The following BTRC variants were observed in gnomAD, a reference collection of about 807,000 sequenced individuals.
BTRC encodes F-box/WD repeat-containing protein 1A.
A neutral mutation model predicts 85.5 loss-of-function variants in BTRC; 42 were observed. That is an observed-to-expected ratio of 0.49 (90% CI 0.38 to 0.64). BTRC has a LOEUF of 0.64. Ranked by LOEUF, BTRC falls within the 30% of genes least tolerant of loss-of-function variation. BTRC has a pLI of 0.00. For synonymous variants in BTRC, 255 were observed against 263.3 expected, an observed-to-expected ratio of 0.97 and a Z score of 0.30; for missense variants, 594 against 743.5, an observed-to-expected ratio of 0.80 and a Z score of 2.34.
Position 101,534,893 on chromosome 10 carries a change from G to C in BTRC, c.1330G>C (p.Gly444Arg). The C allele has an allele frequency of 6.2e-7, 1 of 1,614,058 alleles. No individual in the cohort carries two copies. The highest frequency in any genetic ancestry group is 8.5e-7 in the Non-Finnish European group (1 of 1,179,974). The part of the protein sequence containing the change: ...FDDKYIVSAS[G>R]DRTIKVWNTS... ...TGACAAGTACATTGTTTCTGCATCT[G>C]GGGATAGAACTATAAAGGTAATAAG... Residue 444 changes from glycine (G) to arginine (R), a missense_variant, in exon 10 of 15, where the codon GGG (glycine) becomes CGG (arginine). By Grantham distance (125) the Gly-to-Arg change is moderately radical (BLOSUM62 -2). Coordinates refer to ENST00000370187, the MANE Select transcript of BTRC (RefSeq NM_033637.4).
At chr10:101,490,500 A>T (rs529467478) in intron 4 of BTRC, among the ~76,000 whole-genome samples, 24 of 152,278 alleles carry the variant, frequency 1.6e-4, no homozygotes, top group African/African-American at 5.8e-4. Flanking sequence ...TCTTTAAATG[A>T]TAGAGTCAAG....
chr10:101,424,161 G>T (rs1024929943), intron 1 of BTRC, among the ~76,000 whole-genome samples: 1 of 152,116 alleles, frequency 6.6e-6, no homozygotes, highest in Non-Finnish European at 1.5e-5. Context: ...TTGAACCTGG[G>T]AGGCGGAGGT....
chr10:101,483,270 A>G (rs949442224), intron 4 of BTRC, among the ~76,000 whole-genome samples: 5 of 152,276 alleles, frequency 3.3e-5, no homozygotes, highest in Middle Eastern at 3.4e-3. Flanking sequence ...GTTAGTCTTT[A>G]ACTTGAAGAA....
intron 5 of BTRC, 143 bp downstream of exon 5, chr10:101,522,013 G>GTTTT: frequency 1.2e-5 from 1 of 80,794 alleles, no homozygotes; most frequent in South Asian, 2.5e-4. Flanking sequence ...TTGATATAAA[G>GTTTT]CTTTTTTTTT....
At chr10:101,450,643 A>C (rs1485142731) in intron 2 of BTRC, among the ~76,000 whole-genome samples, 2 of 152,138 alleles carry the variant, frequency 1.3e-5, no homozygotes, top group Non-Finnish European at 2.9e-5. Context: ...AGTACAGCCG[A>C]GTTGTTCAGT....
At chr10:101,549,224 T>G (rs1427263103) in intron 13 of BTRC, among the ~76,000 whole-genome samples, 1 of 142,716 alleles carries the variant, frequency 7.0e-6, no homozygotes, top group Non-Finnish European at 1.5e-5. Context: ...TGCTTGGTCT[T>G]GAGTTCAAGA....
At chr10:101,510,626 C>G (rs1946679847) in intron 4 of BTRC, among the ~76,000 whole-genome samples, 1 of 152,102 alleles carries the variant, frequency 6.6e-6, no homozygotes, top group Admixed American at 6.5e-5. Context: ...CCCTCAAAAT[C>G]CTTGTAAGTT....
intron 2 of BTRC, among the ~76,000 whole-genome samples, chr10:101,440,902 TG>T (rs1265185565): frequency 6.6e-6 from 1 of 152,214 alleles, no homozygotes; most frequent in East Asian, 1.9e-4. Context: ...CCTGCTCCTT[TG>T]TAGCCAGATT....
chr10:101,364,252 A>G (rs1042256941), intron 1 of BTRC, among the ~76,000 whole-genome samples: 1 of 152,218 alleles, frequency 6.6e-6, no homozygotes, highest in Non-Finnish European at 1.5e-5. Context: ...CTAGAATCAT[A>G]ATGTAATACA....
chr10:101,478,781 CAA>C (rs71472573), intron 3 of BTRC, among the ~76,000 whole-genome samples: 88 of 119,830 alleles, frequency 7.3e-4, no homozygotes, highest in Admixed American at 1.0e-3. Flanking sequence ...GACCCTATCT[CAA>C]AAAAAAAAAA....
At chr10:101,544,545 A>G (rs182369475) in intron 13 of BTRC, among the ~76,000 whole-genome samples, 8 of 151,992 alleles carry the variant, frequency 5.3e-5, no homozygotes, top group Admixed American at 5.2e-4. Context: ...ATAGCTGACT[A>G]CAGGCTTGTG....
At chr10:101,536,280 T>C (rs371027551) in intron 11 of BTRC, among the ~76,000 whole-genome samples, 1 of 152,380 alleles carries the variant, frequency 6.6e-6, no homozygotes, top group East Asian at 1.9e-4. Context: ...TTCGTTTTTA[T>C]GCCTGGAAGA....
intron 1 of BTRC, among the ~76,000 whole-genome samples, chr10:101,422,567 G>A (rs1944132981): frequency 6.6e-6 from 1 of 152,164 alleles, no homozygotes; most frequent in Admixed American, 6.5e-5. Context: ...GAATGGTATT[G>A]CCTAGGTTTT....
At chr10:101,411,511 A>G (rs1943778199) in intron 1 of BTRC, among the ~76,000 whole-genome samples, 1 of 151,998 alleles carries the variant, frequency 6.6e-6, no homozygotes, top group Admixed American at 6.6e-5. Flanking sequence ...TTTTTCTCTT[A>G]GTGCTTTATT....
intron 4 of BTRC, among the ~76,000 whole-genome samples, chr10:101,503,450 TTATTTTGA>T (rs1946443694): frequency 6.6e-6 from 1 of 152,214 alleles, no homozygotes; most frequent in Non-Finnish European, 1.5e-5. Flanking sequence ...TCTGAGCAAG[TTATTTTGA>T]TCACCTGTGC....
intron 4 of BTRC, among the ~76,000 whole-genome samples, chr10:101,513,816 G>C (rs1436540542): frequency 6.6e-6 from 1 of 152,100 alleles, no homozygotes; most frequent in Non-Finnish European, 1.5e-5. Context: ...TGGGTTGTTT[G>C]GTAAGTATAT....
intron 4 of BTRC, among the ~76,000 whole-genome samples, chr10:101,493,442 GC>G (rs1393930971): frequency 1.3e-5 from 2 of 152,234 alleles, no homozygotes; most frequent in Non-Finnish European, 2.9e-5. Context: ...ACTGTATGTT[GC>G]AGAACTGGAA....
chr10:101,530,614 A>G (rs1406882013), intron 6 of BTRC, among the ~76,000 whole-genome samples: 1 of 152,214 alleles, frequency 6.6e-6, no homozygotes. Context: ...AGAGCAATAG[A>G]TGAATTCTGA....
At chr10:101,531,868 C>T (rs1341336441) in intron 7 of BTRC, among the ~76,000 whole-genome samples, 2 of 152,144 alleles carry the variant, frequency 1.3e-5, no homozygotes, top group African/African-American at 4.8e-5. Context: ...TCATACATAG[C>T]AGTGTGACTG....
Sources: allele counts gnomAD v4.1 joint callset (sites outside exome capture counted in the v4.1 genomes callset), GRCh38; gene constraint gnomAD v4.1.1; transcripts MANE v1.5; gene names NCBI Gene and HGNC (gene_info 2026-07-23, HGNC 2026-07-21).